The following GDAP1L1 variants were observed in gnomAD, a reference collection of about 807,000 sequenced individuals.
GDAP1L1 encodes the protein ganglioside-induced differentiation-associated protein 1-like 1.
Under a neutral mutation model 37.1 loss-of-function variants are expected in GDAP1L1, and 21 were observed. The ratio of observed to expected loss-of-function variants is 0.57; its 90% CI spans 0.40 to 0.81. GDAP1L1 has a LOEUF of 0.81. Ranked by LOEUF, GDAP1L1 falls within the 40% of genes least tolerant of loss-of-function variation. GDAP1L1 has a pLI of 0.00. For missense variants in GDAP1L1, 362 were observed against 491.6 expected, an observed-to-expected ratio of 0.74 and a Z score of 2.49; for synonymous variants, 193 against 209.1, an observed-to-expected ratio of 0.92 and a Z score of 0.67.
intron 5 of GDAP1L1, among the ~76,000 whole-genome samples, chr20:44,266,089 AC>A (rs2073757147): frequency 6.6e-6 from 1 of 152,204 alleles, no homozygotes; most frequent in Non-Finnish European, 1.5e-5. Flanking sequence ...CGGGTGGATC[AC>A]CTGAGGTCAG....
At chr20:44,276,440 G>GAAAGA (rs1555801185) in intron 5 of GDAP1L1, among the ~76,000 whole-genome samples, 1 of 138,904 alleles carries the variant, frequency 7.2e-6, no homozygotes, top group African/African-American at 2.5e-5. Flanking sequence ...AAGAAAGAAA[G>GAAAGA]AAAGAAAGAA....
intron 5 of GDAP1L1, chr20:44,265,145 A>G (rs2073741349): frequency 1.0e-6 from 1 of 985,282 alleles, no homozygotes; most frequent in African/African-American, 1.7e-5. Flanking sequence ...AGAATGCATT[A>G]TAGCTCCTTC....
intron 3 of GDAP1L1, among the ~76,000 whole-genome samples, chr20:44,261,590 A>G (rs975495357): frequency 6.6e-6 from 1 of 152,228 alleles, no homozygotes; most frequent in South Asian, 2.1e-4. Context: ...CTCAAGTGTT[A>G]GAGGGAGACA....
chr20:44,249,986 G>T (rs1281262816), intron 1 of GDAP1L1, among the ~76,000 whole-genome samples: 2 of 152,206 alleles, frequency 1.3e-5, no homozygotes, highest in African/African-American at 4.8e-5. Context: ...ATAGGCATAT[G>T]TTAACTTCCT....
chr20:44,257,450 A>T (rs995518716), intron 2 of GDAP1L1, 105 bp downstream of exon 2: 2 of 1,180,950 alleles, frequency 1.7e-6, no homozygotes, highest in Admixed American at 5.0e-5. Context: ...TGGGAAATTC[A>T]CTGGAGCCAT....
chr20:44,264,190 T>C (rs1436346164), intron 4 of GDAP1L1, among the ~76,000 whole-genome samples: 1 of 152,178 alleles, frequency 6.6e-6, no homozygotes, highest in Non-Finnish European at 1.5e-5. Flanking sequence ...AAGGGGCAGC[T>C]GTGAGCCACT....
chr20:44,279,083 C>T lies in GDAP1L1; in HGVS notation c.887C>T (p.Pro296Leu). 1 of 1,614,134 alleles carries T rather than the reference C, an allele frequency of 6.2e-7. No homozygotes were observed. The highest frequency in any genetic ancestry group is 1.1e-5 in the South Asian group (1 of 91,082). ...AAATACTGGGAAGATGGCAGCCGGC[C>T]CAACCTGCAGTCCTTCTTTGAGAGG... ...SKKYWEDGSR[P>L]NLQSFFERVQ... Residue 296 changes from proline (P) to leucine (L), a missense_variant, in exon 6 of 6, where the codon CCC becomes CTC. By Grantham distance (98) the Pro-to-Leu change is moderately conservative. This residue lies in a region of GDAP1L1 where 85 missense variants were observed against 154.4 expected (regional missense o/e 0.55). Coordinates refer to ENST00000342560, the MANE Select transcript of GDAP1L1 (RefSeq NM_024034.6).
rs3037695 is a variant in GDAP1L1 at position 44,276,355 on chromosome 20, AAAGG to A, written c.761-2575_761-2572del. 1.8e-3 allele frequency among the ~76,000 whole-genome samples: 235 copies of A among 130,334 alleles called. 2 individuals carry two copies. Among genetic ancestry groups the A allele is most frequent in the South Asian group, 2.5e-3 (9 of 3,630 alleles). 85.5% of individuals were successfully genotyped at this position (130,334 alleles called of 152,430 possible). On this transcript the variant is annotated intron_variant, in intron 5 of 5. Coordinates refer to ENST00000342560, the MANE Select transcript of GDAP1L1 (RefSeq NM_024034.6). ...GTCAAAAAGAAAGAAAGAAAGAAGG[AAAGG>A]AAGGAAGGAAGGAAGGAAGGAAGGA...
chr20:44,263,828 A>G (rs1432925577), intron 4 of GDAP1L1, among the ~76,000 whole-genome samples: 1 of 152,142 alleles, frequency 6.6e-6, no homozygotes. Context: ...TGGGCAACAG[A>G]GTGAGACTCT....
intron 5 of GDAP1L1, among the ~76,000 whole-genome samples, chr20:44,276,404 AAAAAAG>A (rs1244556919): frequency 6.2e-4 from 44 of 70,564 alleles, no homozygotes; most frequent in African/African-American, 2.5e-3. Flanking sequence ...AAAGGGAAAG[AAAAAAG>A]AAAAAGAAAG....
chr20:44,247,304 C>T, upstream of GDAP1L1: 1 of 1,611,468 alleles, frequency 6.2e-7, no homozygotes, highest in Admixed American at 1.7e-5. Context: ...GCCGGAGCCT[C>T]CTTCTTTCCT....
At chr20:44,267,649 T>C (rs920969049) in intron 5 of GDAP1L1, among the ~76,000 whole-genome samples, 7 of 148,808 alleles carry the variant, frequency 4.7e-5, no homozygotes, top group Non-Finnish European at 5.9e-5. Flanking sequence ...GGTGATAACA[T>C]GAGTGCCTAC....
intron 5 of GDAP1L1, among the ~76,000 whole-genome samples, chr20:44,268,535 AT>A (rs1299554605): frequency 6.6e-6 from 1 of 152,236 alleles, no homozygotes; most frequent in African/African-American, 2.4e-5. Flanking sequence ...GGAAAAAGAC[AT>A]TAGTCAAATA....
Position 44,280,437 on chromosome 20 carries a change from A to G in GDAP1L1, c.*1137A>G, listed in dbSNP as rs1241193701. The G allele has an allele frequency of 6.5e-6, 1 of 152,884 alleles. No homozygotes were observed. Among genetic ancestry groups the G allele is most frequent in the Non-Finnish European group, 1.5e-5 (1 of 68,196 alleles). 9.5% of individuals were successfully genotyped at this position (152,884 alleles called of 1,614,324 possible). On this transcript the variant is annotated 3_prime_UTR_variant, in exon 6 of 6. Transcript: ENST00000342560. Reference sequence around the variant, plus strand: ...GTTCTCATTGCCAAGTGCTGGAGCCAGAAGGGTAGAGATGTGAGGTTTCAG... The same window carrying G: ...GTTCTCATTGCCAAGTGCTGGAGCCGGAAGGGTAGAGATGTGAGGTTTCAG...
At chr20:44,270,905 GA>G (rs1262786148) in intron 5 of GDAP1L1, among the ~76,000 whole-genome samples, 1 of 152,202 alleles carries the variant, frequency 6.6e-6, no homozygotes, top group East Asian at 1.9e-4. Flanking sequence ...TATTCAAGGG[GA>G]GGAGAATTGG....
At chr20:44,264,698 T>A (rs1355350235) in intron 5 of GDAP1L1, 139 bp downstream of exon 5, 1 of 1,481,390 alleles carries the variant, frequency 6.8e-7, no homozygotes, top group Non-Finnish European at 9.1e-7. Context: ...GGAGTCAGAC[T>A]AAGGTTCAAG....
At chr20:44,255,231 G>A (rs2073515705) in intron 1 of GDAP1L1, among the ~76,000 whole-genome samples, 2 of 152,062 alleles carry the variant, frequency 1.3e-5, no homozygotes, top group Non-Finnish European at 2.9e-5. Context: ...TGGATAAGAG[G>A]GGAAACTGAG....
In GDAP1L1 at chr20:44,279,389, C is replaced by A; in HGVS notation, c.*89C>A. 1.2e-6 allele frequency: 1 copy of A among 849,398 alleles called. No homozygotes were observed. Among genetic ancestry groups the A allele is most frequent in the Non-Finnish European group, 2.0e-6 (1 of 503,288 alleles). The allele number at this position is 849,398 out of a possible 1,614,324, so 52.6% of individuals were successfully genotyped here. A position where few individuals can be genotyped will look rare whatever the true frequency, so the allele number is the denominator to read the frequency against. On this transcript the variant is annotated 3_prime_UTR_variant, in exon 6 of 6. Transcript: ENST00000342560. Reference sequence around the variant, plus strand: ...TCTCAGTAACTCACTGTCTCATGAACACTTGGACAGCCCTCCCCGCCCTTC... The same window carrying A: ...TCTCAGTAACTCACTGTCTCATGAAAACTTGGACAGCCCTCCCCGCCCTTC...
At chr20:44,276,168 CAAA>C (rs58388010) in intron 5 of GDAP1L1, among the ~76,000 whole-genome samples, 2,064 of 137,666 alleles carry the variant, frequency 0.015, 49 homozygotes, top group African/African-American at 0.052. Context: ...GTAAAAATAC[CAAA>C]AAAAAAAAAA....
Sources: gnomAD v4.1 joint callset for allele counts (sites outside exome capture counted in the v4.1 genomes callset) on GRCh38, gnomAD v4.1.1 for gene constraint, gnomAD v4.1.1 regional missense constraint, MANE v1.5 for transcripts, NCBI Gene and HGNC (gene_info 2026-07-23, HGNC 2026-07-21) for gene names.